Variants in ARHGEF2 observed in about 807,000 individuals in gnomAD.
ARHGEF2 encodes the protein rho guanine nucleotide exchange factor 2.
A neutral mutation model predicts 121.0 loss-of-function variants in ARHGEF2; 22 were observed. The ratio of observed to expected loss-of-function variants is 0.18; its 90% CI spans 0.13 to 0.26. The LOEUF (loss-of-function observed/expected upper bound fraction) is 0.26. Among genes scored for constraint, ARHGEF2 ranks in the 10% least tolerant of loss-of-function variants. ARHGEF2 has a pLI of 1.00. For synonymous variants in ARHGEF2, 487 were observed against 530.0 expected (o/e 0.92, Z 1.11); for missense variants, 907 against 1,336.0 (o/e 0.68, Z 5.01).
chr1:155,978,516 C>T lies in ARHGEF2; in HGVS notation c.-89G>A, dbSNP rs1681757573. 7.6e-6 allele frequency: 10 copies of T among 1,314,666 alleles called. No homozygotes were observed. The highest frequency in any genetic ancestry group is 9.8e-6 in the Non-Finnish European group (10 of 1,019,784). The allele number at this position is 1,314,666 out of a possible 1,614,324, so 81.4% of individuals were successfully genotyped here. A position where few individuals can be genotyped will look rare whatever the true frequency, so the allele number is the denominator to read the frequency against. On this transcript the variant is annotated 5_prime_UTR_variant, in exon 1 of 22. In the 5' UTR this introduces an upstream ATG that the reference lacks. Coordinates refer to ENST00000361247, the MANE Select transcript of ARHGEF2 (RefSeq NM_001162383.2). This position sits in a 1 kb window ranked among gnomAD's most constrained non-coding sequence, Gnocchi z 4.1. ...GGCGGGGGGAGGGGTTCGGCCCGCA[C>T]GCGTTGGTCTCGGGGACAGGAAGTC...
In ARHGEF2 at chr1:155,958,679, G is replaced by C. The variant is rs192914871; in HGVS notation, c.1469-283C>G. Among the ~76,000 whole-genome samples the C allele has an allele frequency of 2.0e-4, 30 of 150,746 alleles. No individual in the cohort carries two copies. The East Asian group carries it at 5.6e-3, about 28-fold the overall frequency. On this transcript the variant is annotated intron_variant, in intron 11 of 21. Coordinates refer to ENST00000361247, the MANE Select transcript of ARHGEF2 (RefSeq NM_001162383.2). Reference sequence around the variant, plus strand: ...CAACCTCCGCCTCCCGGGTTCAAGCGATTCTCCTACCTCAGCCTCCCAAGG... The same window carrying C: ...CAACCTCCGCCTCCCGGGTTCAAGCCATTCTCCTACCTCAGCCTCCCAAGG...
rs1364326371 is a variant in ARHGEF2, at chr1:155,952,568, T to C, written c.1984+60A>G. On this transcript the variant is annotated intron_variant, in intron 15 of 21. Transcript: ENST00000361247. ...CTGTGTTTGTCCATGTCTAGTCACA[T>C]GTCCACATTCTGTGACGGTGAGTGC... The C allele has an allele frequency of 7.2e-6, 11 of 1,518,094 alleles. No individual in the cohort carries two copies. In the East Asian group the frequency reaches 1.4e-4, roughly 19 times the overall value. The allele number at this position is 1,518,094 out of a possible 1,614,324, so 94.0% of individuals were successfully genotyped here.
intron 11 of ARHGEF2, among the ~76,000 whole-genome samples, chr1:155,960,525 T>C (rs1660014775): frequency 6.6e-6 from 1 of 152,176 alleles, no homozygotes; most frequent in Non-Finnish European, 1.5e-5. Context: ...TTGGGGATTT[T>C]ACTAAACTGT....
At chr1:155,956,740 G>A (rs111665511) in intron 13 of ARHGEF2, among the ~76,000 whole-genome samples, 3 of 150,370 alleles carry the variant, frequency 2.0e-5, no homozygotes, top group Admixed American at 6.6e-5. Flanking sequence ...GGTCGATTAC[G>A]AGGTCAAGAT....
intron 7 of ARHGEF2, among the ~76,000 whole-genome samples, 159 bp downstream of exon 7, chr1:155,964,829 G>C (rs552811794): frequency 1.2e-4 from 18 of 151,100 alleles, no homozygotes; most frequent in Admixed American, 2.0e-4. Context: ...GGAGGTGGAG[G>C]CTGCAGTGAG....
At chr1:155,964,167 AATAT>A (rs869033599) in intron 7 of ARHGEF2, among the ~76,000 whole-genome samples, 1,327 of 90,942 alleles carry the variant, frequency 0.015, 15 homozygotes, top group Non-Finnish European at 0.019. Context: ...AAAAAAAAAA[AATAT>A]ATATATATAT....
rs985892745 is a variant in ARHGEF2, at chr1:155,956,982, A to G, written c.1715+731T>C. On this transcript the variant is annotated intron_variant, in intron 13 of 21. Coordinates refer to ENST00000361247, the MANE Select transcript of ARHGEF2 (RefSeq NM_001162383.2). ...AGGCTGAGGCAGGAGAATCGCTTGA[A>G]TCCAGGAGGTGGAGGTTGCAGTGAG... 2.0e-5 allele frequency among the ~76,000 whole-genome samples: 3 copies of G among 151,658 alleles called. 1 individual carries two copies. Among genetic ancestry groups the G allele is most frequent in the Non-Finnish European group, 2.9e-5 (2 of 67,938 alleles).
At chr1:155,958,848 G>C (rs911321302) in intron 11 of ARHGEF2, among the ~76,000 whole-genome samples, 1 of 146,036 alleles carries the variant, frequency 6.8e-6, no homozygotes, top group Non-Finnish European at 1.5e-5. Context: ...CAAAGTGCTG[G>C]GATTACAGAT....
chr1:155,969,324 G>T (rs1249726758), intron 1 of ARHGEF2, 24 bp from the exon 2 acceptor site: 1 of 1,612,554 alleles, frequency 6.2e-7, no homozygotes, highest in African/African-American at 1.3e-5. Flanking sequence ...GAGAGGGAGA[G>T]GAAGTGAGGC....
At chr1:155,973,796 A>T (rs1349746573) in intron 1 of ARHGEF2, among the ~76,000 whole-genome samples, 14 of 152,090 alleles carry the variant, frequency 9.2e-5, no homozygotes, top group Non-Finnish European at 1.2e-4. Flanking sequence ...GCAATGGCAG[A>T]GGGCATTGTG....
At chr1:155,966,271 C>A in intron 4 of ARHGEF2, 145 bp downstream of exon 4, 1 of 772,932 alleles carries the variant, frequency 1.3e-6, no homozygotes, top group South Asian at 1.6e-5. Context: ...TCCGAACCCT[C>A]CCTTAGGCCC....
rs1223931082 is a variant in ARHGEF2 at position 155,946,880 on chromosome 1, T to A, written c.*1062A>T. On this transcript the variant is annotated 3_prime_UTR_variant, in exon 22 of 22. Transcript: ENST00000361247. The stretch of plus-strand genomic sequence containing the variant: ...GGAGTTCCAGGTTTTTAATTTTCCC[T>A]GAATTTTTTTTTTAAACAACAAAAT... The A allele has an allele frequency of 6.5e-6, 1 of 154,590 alleles. No homozygotes were observed. The highest frequency in any genetic ancestry group is 1.4e-5 in the Non-Finnish European group (1 of 69,588). 9.6% of individuals were successfully genotyped at this position (154,590 alleles called of 1,614,324 possible).
chr1:155,948,503 C>T (rs1227374315), intron 21 of ARHGEF2, among the ~76,000 whole-genome samples: 1 of 151,880 alleles, frequency 6.6e-6, no homozygotes, highest in Non-Finnish European at 1.5e-5. Context: ...TGGTGGCATG[C>T]GCCTGTAATC....
Position 155,969,309 on chromosome 1 carries a change from G to A in ARHGEF2, c.64-9C>T, listed in dbSNP as rs751689185. On this transcript the variant is annotated splice_polypyrimidine_tract_variant and intron_variant, in intron 1 of 21. Coordinates refer to ENST00000361247, the MANE Select transcript of ARHGEF2 (RefSeq NM_001162383.2). ...TTCTCCTTTTCCCGGGTCTGTGGAA[G>A]GGATGAGAGGGAGAGGAAGTGAGGC... The A allele has an allele frequency of 3.1e-6, 5 of 1,613,644 alleles. No homozygotes were observed. In the African/African-American group the frequency reaches 4.0e-5, roughly 13 times the overall value.
intron 1 of ARHGEF2, chr1:155,969,538 C>T (rs1680073341): frequency 7.3e-7 from 1 of 1,364,272 alleles, no homozygotes; most frequent in Non-Finnish European, 9.5e-7. Flanking sequence ...ACCTACCTGG[C>T]CCCTACGGCT....
chr1:155,954,916 A>C lies in ARHGEF2; in HGVS notation c.1769T>G (p.Leu590Arg), dbSNP rs752382367. Residue 590 changes from leucine to arginine, a missense_variant, in exon 14 of 22, where the codon CTG (leucine) becomes CGG (arginine). This residue lies in a region of ARHGEF2 where 432 missense variants were observed against 559.5 expected (regional missense o/e 0.77). Coordinates refer to ENST00000361247, the MANE Select transcript of ARHGEF2 (RefSeq NM_001162383.2). ...PLIETEDEAY[L>R]RRIKMELQQK... ...GGTGGACTTACTCTTAATTCGCCGC[A>C]GGTAAGCCTCATCCTCTGTCTCAAT... The C allele has an allele frequency of 6.2e-7, 1 of 1,611,730 alleles. No individual in the cohort carries two copies. Among genetic ancestry groups the C allele is most frequent in the East Asian group, 2.2e-5 (1 of 44,802 alleles).
intron 13 of ARHGEF2, among the ~76,000 whole-genome samples, chr1:155,956,835 A>G (rs1391774216): frequency 7.0e-6 from 1 of 142,952 alleles, no homozygotes; most frequent in African/African-American, 2.6e-5. Context: ...GTGAGCCTGT[A>G]GTCCCAGCTA....
intron 21 of ARHGEF2, among the ~76,000 whole-genome samples, chr1:155,949,962 A>G (rs1028162303): frequency 6.6e-6 from 1 of 152,110 alleles, no homozygotes; most frequent in Non-Finnish European, 1.5e-5. Flanking sequence ...GGGTCTCACT[A>G]TGTTGCCCAG....
In ARHGEF2 at chr1:155,965,719, C is replaced by T. The variant is rs1370253003; in HGVS notation, c.382G>A (p.Asp128Asn). 7.5e-6 allele frequency: 12 copies of T among 1,604,276 alleles called. No homozygotes were observed. Among genetic ancestry groups the T allele is most frequent in the Admixed American group, 3.5e-5 (2 of 56,544 alleles). The change falls in exon 5 of 22, where the codon GAC becomes AAC. Residue 128 changes from aspartate to asparagine, a missense_variant. Coordinates refer to ENST00000361247, the MANE Select transcript of ARHGEF2 (RefSeq NM_001162383.2). This position sits in a 1 kb window ranked among gnomAD's most constrained non-coding sequence, Gnocchi z 6.0. ...CCCAGGAGGGACTGCCGGAAGCTGT[C>T]GGAGGGGTAGATGGCCGAGCTTGGC... ...ERPSSAIYPS[D>N]SFRQSLLGSR...
Sources: allele counts gnomAD v4.1 joint callset (sites outside exome capture counted in the v4.1 genomes callset), GRCh38; gene constraint gnomAD v4.1.1; regional missense constraint gnomAD v4.1.1; non-coding constraint Gnocchi (gnomAD v3.1); transcripts MANE v1.5; gene names NCBI Gene and HGNC (gene_info 2026-07-23, HGNC 2026-07-21).